Variants in LUZP2 observed in about 807,000 individuals in gnomAD.
LUZP2 encodes leucine zipper protein 2.
A neutral mutation model predicts 51.6 loss-of-function variants in LUZP2; 52 were observed. The ratio of observed to expected loss-of-function variants is 1.01; its 90% CI spans 0.81 to 1.27. LUZP2 has a LOEUF of 1.27. Ranked by LOEUF, LUZP2 falls within the 50% of genes most tolerant of loss-of-function variation. LUZP2 has a pLI of 0.00. For synonymous variants in LUZP2, 154 were observed against 137.3 expected, an observed-to-expected ratio of 1.12 and a Z score of -0.85; for missense variants, 436 against 395.4, an observed-to-expected ratio of 1.10 and a Z score of -0.87.
intron 9 of LUZP2, among the ~76,000 whole-genome samples, chr11:24,983,788 G>T (rs947058376): frequency 1.7e-4 from 24 of 142,816 alleles, no homozygotes; most frequent in East Asian, 6.3e-4. Context: ...TACTCCTGGG[G>T]TTTTTTTTCC....
chr11:24,678,581 A>T (rs1856641168), intron 1 of LUZP2, among the ~76,000 whole-genome samples: 1 of 152,210 alleles, frequency 6.6e-6, no homozygotes, highest in Non-Finnish European at 1.5e-5. Flanking sequence ...TATGTTCCCA[A>T]CTACTTCTAA....
intron 1 of LUZP2, among the ~76,000 whole-genome samples, chr11:24,600,208 C>T (rs1430745139): frequency 6.7e-6 from 1 of 148,876 alleles, no homozygotes; most frequent in Non-Finnish European, 1.5e-5. Flanking sequence ...CACACACACA[C>T]ACACACACAC....
intron 1 of LUZP2, among the ~76,000 whole-genome samples, chr11:24,503,953 C>A (rs16912642): frequency 0.055 from 8,345 of 152,198 alleles, 244 homozygotes; most frequent in Middle Eastern, 0.11. Context: ...CAGTAATAAG[C>A]AGTTGAACAT....
At chr11:24,845,985 A>C (rs1851186927) in intron 5 of LUZP2, among the ~76,000 whole-genome samples, 1 of 152,154 alleles carries the variant, frequency 6.6e-6, no homozygotes, top group African/African-American at 2.4e-5. Context: ...TAATATATTT[A>C]TTAAAAATTT....
chr11:24,750,266 C>T (rs1859530554), intron 4 of LUZP2, among the ~76,000 whole-genome samples: 1 of 152,200 alleles, frequency 6.6e-6, no homozygotes, highest in African/African-American at 2.4e-5. Context: ...TCTCTCAGGT[C>T]TCCATCTTGA....
chr11:24,713,611 G>A (rs1280145464), intron 1 of LUZP2, among the ~76,000 whole-genome samples: 1 of 150,988 alleles, frequency 6.6e-6, no homozygotes, highest in East Asian at 2.0e-4. Context: ...AGGCCAAAGT[G>A]GCAAGATCAC....
chr11:24,709,864 G>T (rs1857748193), intron 1 of LUZP2, among the ~76,000 whole-genome samples: 1 of 152,166 alleles, frequency 6.6e-6, no homozygotes, highest in South Asian at 2.1e-4. Context: ...CAGTGAGTTT[G>T]TAGACAGGAG....
At chr11:24,546,618 A>G (rs1851552585) in intron 1 of LUZP2, among the ~76,000 whole-genome samples, 1 of 152,030 alleles carries the variant, frequency 6.6e-6, no homozygotes, top group African/African-American at 2.4e-5. Context: ...TCCCAGGGAT[A>G]AAGCCCACTT....
intron 1 of LUZP2, among the ~76,000 whole-genome samples, chr11:24,634,894 T>A (rs368115441): frequency 2.6e-5 from 4 of 152,272 alleles, no homozygotes; most frequent in Middle Eastern, 6.8e-3. Context: ...ATGAACCTAG[T>A]AAGCATGGAT....
chr11:24,897,650 A>G (rs548623794), intron 5 of LUZP2, among the ~76,000 whole-genome samples: 1 of 152,304 alleles, frequency 6.6e-6, no homozygotes, highest in East Asian at 1.9e-4. Context: ...CTGGACACAC[A>G]TATTTAAGAA....
intron 6 of LUZP2, among the ~76,000 whole-genome samples, chr11:24,907,799 A>G (rs1853505329): frequency 6.6e-6 from 1 of 152,190 alleles, no homozygotes; most frequent in Non-Finnish European, 1.5e-5. Context: ...CAGTTCAAGA[A>G]TAATTCGTAT....
At chr11:24,602,252 ATG>A (rs1236429310) in intron 1 of LUZP2, among the ~76,000 whole-genome samples, 1 of 80,128 alleles carries the variant, frequency 1.2e-5, no homozygotes, top group African/African-American at 5.7e-5. Flanking sequence ...ATGTATATAT[ATG>A]CAAACATATA....
At chr11:24,964,755 G>T (rs1855532486) in intron 7 of LUZP2, among the ~76,000 whole-genome samples, 1 of 151,820 alleles carries the variant, frequency 6.6e-6, no homozygotes, top group Non-Finnish European at 1.5e-5. Flanking sequence ...AAATTCTATA[G>T]TAAAGAAATA....
intron 1 of LUZP2, among the ~76,000 whole-genome samples, chr11:24,545,200 T>C (rs7925732): frequency 0.42 from 63,080 of 151,038 alleles, 13,688 homozygotes; most frequent in African/African-American, 0.51. Flanking sequence ...ATGCATACTT[T>C]GCAAATATTT....
chr11:25,081,764 A>G lies in LUZP2; in HGVS notation c.*3106A>G, dbSNP rs1590908291. On this transcript the variant is annotated 3_prime_UTR_variant, in exon 12 of 12. Transcript: ENST00000336930. The stretch of plus-strand genomic sequence containing the variant: ...TCTTTACTATAGATAGTATAATTCT[A>G]TTATGTACCTGTAATGATAAGCATT... The G allele has an allele frequency of 6.6e-6, 1 of 152,172 alleles. No homozygotes were observed. The highest frequency in any genetic ancestry group is 1.9e-4 in the East Asian group (1 of 5,206). The allele number at this position is 152,172 out of a possible 1,614,324, so 9.4% of individuals were successfully genotyped here.
chr11:24,976,686 C>A (rs755574971), intron 8 of LUZP2, 21 bp downstream of exon 8: 28 of 913,586 alleles, frequency 3.1e-5, no homozygotes, highest in Non-Finnish European at 3.7e-5. Context: ...ATTCATGAAC[C>A]ATTACAACTG....
At chr11:25,058,437 A>T (rs1858746995) in intron 10 of LUZP2, among the ~76,000 whole-genome samples, 1 of 152,180 alleles carries the variant, frequency 6.6e-6, no homozygotes, top group African/African-American at 2.4e-5. Flanking sequence ...CCAAACAATA[A>T]CGTGCAAACA....
At chr11:24,709,981 G>A (rs569080101) in intron 1 of LUZP2, among the ~76,000 whole-genome samples, 30 of 152,244 alleles carry the variant, frequency 2.0e-4, no homozygotes, top group African/African-American at 7.0e-4. Flanking sequence ...CAATCCTCCT[G>A]TTATATGCTC....
chr11:24,610,754 C>T (rs1206602345), intron 1 of LUZP2, among the ~76,000 whole-genome samples: 1 of 152,050 alleles, frequency 6.6e-6, no homozygotes, highest in African/African-American at 2.4e-5. Flanking sequence ...CAGACCAGCC[C>T]GGCCAACATG....
Sources: gnomAD v4.1 joint callset for allele counts (sites outside exome capture counted in the v4.1 genomes callset) on GRCh38, gnomAD v4.1.1 for gene constraint, MANE v1.5 for transcripts, NCBI Gene and HGNC (gene_info 2026-07-23, HGNC 2026-07-21) for gene names.